WNK1: variants seen among roughly 807,000 people sequenced by gnomAD.
The protein encoded by WNK1 is serine/threonine-protein kinase WNK1.
In WNK1, 38 loss-of-function variants were observed where a neutral mutation model predicts 222.8. The ratio of observed to expected loss-of-function variants is 0.17; its 90% CI spans 0.13 to 0.22. The LOEUF (loss-of-function observed/expected upper bound fraction) is 0.22. WNK1 is among the 10% of genes least tolerant of loss of function. The pLI, the probability that WNK1 is intolerant of heterozygous loss-of-function variation, is 1.00. For synonymous variants in WNK1, 1,090 were observed against 1,092.9 expected, an observed-to-expected ratio of 1.00 and a Z score of 0.05; for missense variants, 2,348 against 2,918.4, an observed-to-expected ratio of 0.80 and a Z score of 4.50.
At chr12:767,026 C>T (rs1332080599) in intron 1 of WNK1, among the ~76,000 whole-genome samples, 1 of 152,166 alleles carries the variant, frequency 6.6e-6, no homozygotes, top group African/African-American at 2.4e-5. Flanking sequence ...GTCTGCCCAC[C>T]TGGGCCTCCC....
rs2154094631 is a variant in WNK1, at chr12:896,333, C to G, written c.5846C>G (p.Thr1949Arg). Residue 1949 changes from threonine (T) to arginine (R), a missense_variant, in exon 24 of 28, where the codon ACA becomes AGA. Around this residue, in one of 13 missense-constraint regions of WNK1, gnomAD observed 1,144 missense variants for 1,273.6 expected, o/e 0.90. Transcript: ENST00000315939. ...ACCAAGGTTGGACGTTTTCAGGTGA[C>G]AACTACAGCAAACAAAGTGGGTCGT... ...QPTKVGRFQVTTTANKVGRFS... is the reference protein window; with the variant it reads ...QPTKVGRFQVRTTANKVGRFS... The G allele has an allele frequency of 1.2e-6, 2 of 1,614,174 alleles. No individual in the cohort carries two copies. The highest frequency in any genetic ancestry group is 1.7e-6 in the Non-Finnish European group (2 of 1,180,046).
chr12:826,838 T>C (rs1948396632), intron 2 of WNK1, among the ~76,000 whole-genome samples: 1 of 151,454 alleles, frequency 6.6e-6, no homozygotes, highest in African/African-American at 2.5e-5. Context: ...GGAAGACTTA[T>C]TTTTCTGGGT....
rs1202520841 is a variant in WNK1, at chr12:865,241, G to A, written c.2139+2971G>A. 19 of 1,535,738 alleles carry A rather than the reference G, an allele frequency of 1.2e-5. No individual in the cohort carries two copies. The highest frequency in any genetic ancestry group is 6.9e-5 in the African/African-American group (5 of 72,932). ...GCACCTCTTTCTCCTTCCCTCCTCC[G>A]GACTGCCCCGAGGAAACTTTTGCCG... On this transcript the variant is annotated intron_variant, in intron 8 of 27. Transcript: ENST00000315939.
intron 2 of WNK1, among the ~76,000 whole-genome samples, chr12:826,533 C>T (rs1948377215): frequency 1.3e-5 from 2 of 152,202 alleles, no homozygotes; most frequent in South Asian, 4.1e-4. Flanking sequence ...CTCTCCAGAG[C>T]CTTCAAGTAA....
intron 21 of WNK1, among the ~76,000 whole-genome samples, chr12:889,806 G>A (rs911514665): frequency 3.3e-5 from 5 of 152,112 alleles, no homozygotes; most frequent in South Asian, 4.2e-4. Context: ...GTGACAGAGC[G>A]AGACTCCATC....
At chr12:842,537 A>G (rs1453582688) in intron 4 of WNK1, among the ~76,000 whole-genome samples, 2 of 151,994 alleles carry the variant, frequency 1.3e-5, no homozygotes, top group Admixed American at 6.6e-5. Context: ...TATAATTACT[A>G]CTCTCACTTT....
At chr12:855,849 G>T (rs1029214799) in intron 4 of WNK1, among the ~76,000 whole-genome samples, 2 of 150,918 alleles carry the variant, frequency 1.3e-5, no homozygotes, top group Non-Finnish European at 3.0e-5. Flanking sequence ...TTTTGTTTTT[G>T]TTTTTTTTAA....
At chr12:869,419 A>T (rs1023597274) in intron 8 of WNK1, among the ~76,000 whole-genome samples, 2 of 152,230 alleles carry the variant, frequency 1.3e-5, no homozygotes, top group African/African-American at 4.8e-5. Context: ...ATGCAAGTGT[A>T]TGTAATGTAT....
intron 2 of WNK1, among the ~76,000 whole-genome samples, chr12:825,881 T>C (rs1340834319): frequency 6.6e-6 from 1 of 152,242 alleles, no homozygotes; most frequent in Non-Finnish European, 1.5e-5. Context: ...TTTTTAGTGC[T>C]CTTTTTTTCC....
At chr12:774,412 A>C (rs1195378857) in intron 1 of WNK1, among the ~76,000 whole-genome samples, 1 of 152,172 alleles carries the variant, frequency 6.6e-6, no homozygotes, top group Non-Finnish European at 1.5e-5. Context: ...GGACTTTCTC[A>C]GACAGAAGCC....
At position 779,694 on chromosome 12, in the gene WNK1, G is replaced by A. The variant is rs952684004; in HGVS notation, c.759+25370G>A. Among the ~76,000 whole-genome samples the A allele has an allele frequency of 1.2e-4, 18 of 152,214 alleles. No individual in the cohort carries two copies. In the East Asian group the frequency reaches 2.5e-3, roughly 21 times the overall value. ...TGGGATTACAGGCGTGAGCCACCGC[G>A]CCTGGCTCCTTTCCCTTAATTTTCT... On this transcript the variant is annotated intron_variant, in intron 1 of 27. Coordinates refer to ENST00000315939, the MANE Select transcript of WNK1 (RefSeq NM_018979.4).
intron 20 of WNK1, 53 bp from the exon 21 acceptor site, chr12:889,087 C>T (rs1043054274): frequency 2.6e-5 from 37 of 1,447,488 alleles, no homozygotes; most frequent in African/African-American, 1.1e-4. Flanking sequence ...GGCTATATAT[C>T]GTGACTCTGA....
chr12:756,796 C>T (rs187616149), intron 1 of WNK1, among the ~76,000 whole-genome samples: 20 of 152,208 alleles, frequency 1.3e-4, no homozygotes, highest in Admixed American at 3.9e-4. Context: ...GAAACTTTTT[C>T]GCTAAATCTA....
chr12:908,970 C>A lies in WNK1; in HGVS notation c.*178C>A. 1 of 721,566 alleles carries A rather than the reference C, an allele frequency of 1.4e-6. No homozygotes were observed. The highest frequency in any genetic ancestry group is 2.3e-6 in the Non-Finnish European group (1 of 439,948). The allele number at this position is 721,566 out of a possible 1,614,324, so 44.7% of individuals were successfully genotyped here. ...CCCTCAGAATGGAGAGTCTCCCCCGCTCCAGTTATTGGAATGGGAGAGGAA... is the reference window on the plus strand; with the variant it reads ...CCCTCAGAATGGAGAGTCTCCCCCGATCCAGTTATTGGAATGGGAGAGGAA... On this transcript the variant is annotated 3_prime_UTR_variant, in exon 28 of 28. Transcript: ENST00000315939.
chr12:809,670 G>T (rs779307741), intron 1 of WNK1, among the ~76,000 whole-genome samples: 4 of 152,122 alleles, frequency 2.6e-5, no homozygotes, highest in Non-Finnish European at 5.9e-5. Context: ...CTCTAATTCT[G>T]AAGTTTTTAA....
At chr12:803,895 C>G (rs1946108397) in intron 1 of WNK1, among the ~76,000 whole-genome samples, 1 of 152,060 alleles carries the variant, frequency 6.6e-6, no homozygotes, top group South Asian at 2.1e-4. Flanking sequence ...ATGCTAAAAC[C>G]AATCCATTGA....
intron 1 of WNK1, among the ~76,000 whole-genome samples, chr12:794,097 AT>A (rs1565439736): frequency 6.6e-6 from 1 of 152,128 alleles, no homozygotes; most frequent in African/African-American, 2.4e-5. Flanking sequence ...TCAGCACTTC[AT>A]TTTTATGGTT....
chr12:859,441 C>T lies in WNK1; in HGVS notation c.1597C>T (p.Pro533Ser). 1.9e-6 allele frequency: 3 copies of T among 1,611,306 alleles called. No homozygotes were observed. Among genetic ancestry groups the T allele is most frequent in the South Asian group, 2.2e-5 (2 of 90,810 alleles). The change falls in exon 6 of 28, where the codon CCA becomes TCA. Residue 533 changes from proline to serine, a missense_variant. This residue lies in a region of WNK1 where 103 missense variants were observed against 111.5 expected (regional missense o/e 0.92). Coordinates refer to ENST00000315939, the MANE Select transcript of WNK1 (RefSeq NM_018979.4). ...EFSFDLERDV[P>S]EDVAQEMVES... Reference sequence around the variant, plus strand: ...TTCTTTTGATTTAGAGAGAGATGTCCCAGAAGATGTTGCACAAGAAATGGT... The same window carrying T: ...TTCTTTTGATTTAGAGAGAGATGTCTCAGAAGATGTTGCACAAGAAATGGT...
intron 4 of WNK1, among the ~76,000 whole-genome samples, chr12:844,970 A>ACTGCAAGCTCCGCCTCC: frequency 3.9e-5 from 5 of 127,738 alleles, no homozygotes; most frequent in Non-Finnish European, 7.8e-5. Context: ...ATCTCGGCTC[A>ACTGCAAGCTCCGCCTCC]CTGCAAGCTC....
Sources: gnomAD v4.1 joint callset for allele counts (sites outside exome capture counted in the v4.1 genomes callset) on GRCh38, gnomAD v4.1.1 for gene constraint, gnomAD v4.1.1 regional missense constraint, MANE v1.5 for transcripts, NCBI Gene and HGNC (gene_info 2026-07-23, HGNC 2026-07-21) for gene names.